BFSP2: variants seen among roughly 807,000 people sequenced by gnomAD.
BFSP2 encodes the protein beaded filament structural protein 2, also known as phakinin.
Under a neutral mutation model 44.9 loss-of-function variants are expected in BFSP2, and 38 were observed. That is an observed-to-expected ratio of 0.85 (90% CI 0.65 to 1.11). BFSP2 has a LOEUF of 1.11. Among genes scored for constraint, BFSP2 ranks in the 50% least tolerant of loss-of-function variants. BFSP2 has a pLI of 0.00. For missense variants in BFSP2, 525 were observed against 533.0 expected (o/e 0.99, Z 0.15); for synonymous variants, 197 against 209.9 (o/e 0.94, Z 0.53).
At chr3:133,444,072 G>A (rs1043474097) in intron 1 of BFSP2, among the ~76,000 whole-genome samples, 1 of 151,122 alleles carries the variant, frequency 6.6e-6, no homozygotes, top group Non-Finnish European at 1.5e-5. Flanking sequence ...AGATGACTAT[G>A]GACAGGAAAA....
chr3:133,413,469 A>G (rs2073475976), intron 1 of BFSP2, among the ~76,000 whole-genome samples: 1 of 152,154 alleles, frequency 6.6e-6, no homozygotes, highest in Non-Finnish European at 1.5e-5. Context: ...GCTGAGGACA[A>G]ATGTGGTGGC....
chr3:133,472,288 C>A, intron 5 of BFSP2, 57 bp from the exon 6 acceptor site: 1 of 1,547,814 alleles, frequency 6.5e-7, no homozygotes. Flanking sequence ...GCACACCTCC[C>A]TCTTCAAGGG....
chr3:133,437,943 A>G (rs2073806959), intron 1 of BFSP2, among the ~76,000 whole-genome samples: 2 of 152,276 alleles, frequency 1.3e-5, no homozygotes, highest in South Asian at 4.1e-4. Flanking sequence ...TCACAGAAGC[A>G]TCAGCAGAGT....
intron 1 of BFSP2, among the ~76,000 whole-genome samples, chr3:133,433,581 G>A (rs1337034540): frequency 6.6e-6 from 1 of 152,136 alleles, no homozygotes; most frequent in Non-Finnish European, 1.5e-5. Flanking sequence ...CACTGGATAG[G>A]TAGAGTCCTT....
chr3:133,457,282 G>C (rs1455121783), intron 4 of BFSP2, among the ~76,000 whole-genome samples: 1 of 152,218 alleles, frequency 6.6e-6, no homozygotes, highest in South Asian at 2.1e-4. Flanking sequence ...GGATCCCGAA[G>C]CATCTTCATA....
intron 1 of BFSP2, among the ~76,000 whole-genome samples, chr3:133,402,781 CA>C (rs1433669713): frequency 1.3e-5 from 2 of 151,860 alleles, no homozygotes; most frequent in African/African-American, 4.8e-5. Flanking sequence ...GCTGGGATTA[CA>C]GGTGCACGCC....
chr3:133,458,034 T>A (rs1339953803), intron 4 of BFSP2, among the ~76,000 whole-genome samples: 1 of 152,242 alleles, frequency 6.6e-6, no homozygotes, highest in East Asian at 1.9e-4. Context: ...CCCAAAAGTG[T>A]GTGCACTGGT....
At chr3:133,405,609 G>A (rs1576555606) in intron 1 of BFSP2, among the ~76,000 whole-genome samples, 1 of 152,156 alleles carries the variant, frequency 6.6e-6, no homozygotes, top group East Asian at 1.9e-4. Context: ...TTACAACCTG[G>A]TATCCCTGGA....
chr3:133,421,359 C>T (rs1371477270), intron 1 of BFSP2, among the ~76,000 whole-genome samples: 1 of 152,200 alleles, frequency 6.6e-6, no homozygotes, highest in Admixed American at 6.5e-5. Flanking sequence ...GGGGCAGCTC[C>T]TTGTGAGGAC....
intron 2 of BFSP2, among the ~76,000 whole-genome samples, 178 bp from the exon 3 acceptor site, chr3:133,448,311 C>T (rs939166539): frequency 6.6e-5 from 10 of 152,214 alleles, no homozygotes; most frequent in Non-Finnish European, 1.5e-4. Context: ...CAATTGCCTT[C>T]ATTTTAATAA....
chr3:133,410,280 A>G, intron 1 of BFSP2: 1 of 382,898 alleles, frequency 2.6e-6, no homozygotes, highest in Non-Finnish European at 5.2e-6. Flanking sequence ...CCTCAGGCTT[A>G]CAGAGTGGAC....
intron 4 of BFSP2, among the ~76,000 whole-genome samples, chr3:133,451,300 A>G (rs1380772973): frequency 1.3e-5 from 2 of 151,318 alleles, no homozygotes; most frequent in African/African-American, 4.8e-5. Context: ...CATTTATAAA[A>G]TAGGAATGTG....
intron 1 of BFSP2, among the ~76,000 whole-genome samples, chr3:133,422,425 C>T (rs2073601568): frequency 6.6e-6 from 1 of 152,174 alleles, no homozygotes; most frequent in South Asian, 2.1e-4. Flanking sequence ...AACCTGGTGC[C>T]ACTGACTCCT....
intron 5 of BFSP2, among the ~76,000 whole-genome samples, chr3:133,470,932 A>G (rs1356817031): frequency 1.3e-5 from 2 of 152,184 alleles, no homozygotes; most frequent in Non-Finnish European, 2.9e-5. Flanking sequence ...GGTTACCTCT[A>G]AGCTTGGACT....
chr3:133,472,643 A>G (rs2074175992), intron 6 of BFSP2, 78 bp downstream of exon 6: 3 of 1,519,744 alleles, frequency 2.0e-6, no homozygotes, highest in East Asian at 4.9e-5. Flanking sequence ...CAAACACTGT[A>G]GAAGTATTTA....
chr3:133,444,115 CAT>C (rs577035123), intron 1 of BFSP2, among the ~76,000 whole-genome samples: 1 of 150,880 alleles, frequency 6.6e-6, no homozygotes, highest in African/African-American at 2.4e-5. Flanking sequence ...TATATATATA[CAT>C]ATATATATAT....
intron 1 of BFSP2, among the ~76,000 whole-genome samples, chr3:133,440,057 G>A (rs2073829360): frequency 6.6e-6 from 1 of 152,194 alleles, no homozygotes; most frequent in Non-Finnish European, 1.5e-5. Context: ...GTTCCCCACG[G>A]CTGGGGAGGC....
At chr3:133,466,677 CAAAAAAAAA>C in intron 4 of BFSP2, 142 bp from the exon 5 acceptor site, 11 of 257,066 alleles carry the variant, frequency 4.3e-5, no homozygotes, top group South Asian at 1.3e-4. Context: ...TTCATCTCAA[CAAAAAAAAA>C]AAAAAAAAAA....
intron 1 of BFSP2, among the ~76,000 whole-genome samples, chr3:133,415,502 T>C (rs1576562025): frequency 1.8e-5 from 1 of 56,284 alleles, no homozygotes; most frequent in Non-Finnish European, 3.2e-5. Flanking sequence ...CCCTGCCCTC[T>C]CCCTATTCAC....
Sources: allele counts gnomAD v4.1 joint callset (sites outside exome capture counted in the v4.1 genomes callset), GRCh38; gene constraint gnomAD v4.1.1; transcripts MANE v1.5; gene names NCBI Gene and HGNC (gene_info 2026-07-23, HGNC 2026-07-21).